Variants in VLDLR observed in about 807,000 individuals in gnomAD.
The protein encoded by VLDLR is very low density lipoprotein receptor, also known as very low-density lipoprotein receptor.
A neutral mutation model predicts 112.7 loss-of-function variants in VLDLR; 81 were observed. That is an observed-to-expected ratio of 0.72 (90% CI 0.60 to 0.86). The LOEUF (loss-of-function observed/expected upper bound fraction) is 0.86, where lower values mean the gene tolerates loss of function less well. Ranked by LOEUF, VLDLR falls within the 40% of genes least tolerant of loss-of-function variation. VLDLR has a pLI of 0.00. For synonymous variants in VLDLR, 436 were observed against 384.8 expected (o/e 1.13, Z -1.56); for missense variants, 1,237 against 1,099.4 (o/e 1.13, Z -1.77).
chr9:2,650,940 TCTTAA>T (rs1230772270), intron 15 of VLDLR, among the ~76,000 whole-genome samples: 1 of 152,228 alleles, frequency 6.6e-6, no homozygotes, highest in East Asian at 1.9e-4. Context: ...AGTCTTCTGT[TCTTAA>T]CTTTTGATTA....
chr9:2,630,303 G>C (rs1449366907), intron 1 of VLDLR, among the ~76,000 whole-genome samples: 5 of 152,176 alleles, frequency 3.3e-5, no homozygotes, highest in African/African-American at 7.2e-5. Context: ...TGTCATTAAA[G>C]TGGCAAGCAG....
rs35730767 is a variant in VLDLR at position 2,650,264 on chromosome 9, T to G, written c.2105-106T>G. On this transcript the variant is annotated intron_variant, in intron 14 of 18. Coordinates refer to ENST00000382100, the MANE Select transcript of VLDLR (RefSeq NM_003383.5). The stretch of plus-strand genomic sequence containing the variant: ...TGAAGGATTAGCAGAGTAGACAAGT[T>G]TAAGCTCTTGGGGGCAAGGACTCAG... 250,633 of 1,432,708 alleles carry G rather than the reference T, an allele frequency of 0.17. 23,923 individuals are homozygous for G. The highest frequency in any genetic ancestry group is 0.19 in the Non-Finnish European group (199,713 of 1,033,476). The allele number at this position is 1,432,708 out of a possible 1,614,324, so 88.7% of individuals were successfully genotyped here.
chr9:2,653,983 G>C lies in VLDLR; in HGVS notation c.*115G>C. 1 of 1,088,828 alleles carries C rather than the reference G, an allele frequency of 9.2e-7. No homozygotes were observed. The highest frequency in any genetic ancestry group is 1.4e-6 in the Non-Finnish European group (1 of 708,766). 67.4% of individuals were successfully genotyped at this position (1,088,828 alleles called of 1,614,324 possible). ...TTCCTCTCGGCTGGAAGAACATCAA[G>C]ATACCTTTGCGTGGATCAAGCTTGT... On this transcript the variant is annotated 3_prime_UTR_variant, in exon 19 of 19. Transcript: ENST00000382100.
rs781679270 is a variant in VLDLR at position 2,648,234 on chromosome 9, C to A, written c.1849C>A (p.Leu617Ile). 1 of 1,614,182 alleles carries A rather than the reference C, an allele frequency of 6.2e-7. No homozygotes were observed. The highest frequency in any genetic ancestry group is 2.2e-5 in the East Asian group (1 of 44,882). ...LDLIKSRLYW[L>I]DSKLHMLSSV... ...CCTTATAAAAAGTCGCCTCTATTGG[C>A]TTGATTCTAAGTTGCACATGTTATC... The change falls in exon 13 of 19, where the codon CTT becomes ATT. Residue 617 changes from leucine (L) to isoleucine (I), a missense_variant. Transcript: ENST00000382100.
chr9:2,644,427 C>G (rs1050320475), intron 7 of VLDLR, among the ~76,000 whole-genome samples: 12 of 150,830 alleles, frequency 8.0e-5, no homozygotes, highest in Non-Finnish European at 1.2e-4. Flanking sequence ...CCTCGGCCTT[C>G]CAAAGTGCTG....
chr9:2,622,170 G>GCAC lies in VLDLR; in HGVS notation c.-17_-15dup, dbSNP rs976029977. ...AACGGCGGCGGCGGCGGCGGCGGCG[G>GCAC]CACCATCCAGGCGGGCACCATGGGC... On this transcript the variant is annotated 5_prime_UTR_variant, in exon 1 of 19. Transcript: ENST00000382100. The GCAC allele has an allele frequency of 4.8e-6, 7 of 1,458,624 alleles. No homozygotes were observed. The African/African-American group carries it at 5.9e-5, about 12-fold the overall frequency. The allele number at this position is 1,458,624 out of a possible 1,614,324, so 90.4% of individuals were successfully genotyped here. A position where few individuals can be genotyped will look rare whatever the true frequency, so the allele number is the denominator to read the frequency against.
chr9:2,622,866 G>T (rs1816890045), intron 1 of VLDLR, among the ~76,000 whole-genome samples: 1 of 152,166 alleles, frequency 6.6e-6, no homozygotes, highest in South Asian at 2.1e-4. Flanking sequence ...CGACTCCCCC[G>T]GCGCGGGGCC....
At chr9:2,645,901 T>G (rs967128319) in intron 10 of VLDLR, among the ~76,000 whole-genome samples, 156 bp downstream of exon 10, 1 of 152,246 alleles carries the variant, frequency 6.6e-6, no homozygotes, top group African/African-American at 2.4e-5. Context: ...TTTATTAAAC[T>G]GTTATCACTT....
At chr9:2,640,629 T>TA (rs1402223713) in intron 3 of VLDLR, among the ~76,000 whole-genome samples, 1 of 151,962 alleles carries the variant, frequency 6.6e-6, no homozygotes, top group African/African-American at 2.4e-5. Flanking sequence ...AAGAAAGTCT[T>TA]AGAGTTTGAG....
At chr9:2,640,782 G>T (rs1586647698) in intron 3 of VLDLR, among the ~76,000 whole-genome samples, 2 of 152,166 alleles carry the variant, frequency 1.3e-5, no homozygotes, top group South Asian at 4.2e-4. Context: ...GAAGTGAGGG[G>T]AGTAATATTG....
At chr9:2,633,749 C>A (rs954476740) in intron 1 of VLDLR, among the ~76,000 whole-genome samples, 5 of 152,088 alleles carry the variant, frequency 3.3e-5, no homozygotes, top group African/African-American at 1.2e-4. Flanking sequence ...AGAGTCTTAC[C>A]ACTTTCACAG....
At chr9:2,639,082 T>G (rs1214461044) in intron 2 of VLDLR, among the ~76,000 whole-genome samples, 2 of 152,224 alleles carry the variant, frequency 1.3e-5, no homozygotes, top group Non-Finnish European at 1.5e-5. Context: ...GGATGCCCCT[T>G]GAACAGTATA....
Position 2,622,167 on chromosome 9 carries a change from G to GCAC in VLDLR, c.-22_-21insACC, listed in dbSNP as rs1554617691. The stretch of plus-strand genomic sequence containing the variant: ...GCGAACGGCGGCGGCGGCGGCGGCG[G>GCAC]CGGCACCATCCAGGCGGGCACCATG... On this transcript the variant is annotated 5_prime_UTR_variant, in exon 1 of 19. Transcript: ENST00000382100. The GCAC allele has an allele frequency of 4.9e-6, 7 of 1,421,742 alleles. No homozygotes were observed. The highest frequency in any genetic ancestry group is 1.3e-5 in the South Asian group (1 of 74,718). The allele number at this position is 1,421,742 out of a possible 1,614,324, so 88.1% of individuals were successfully genotyped here. A position where few individuals can be genotyped will look rare whatever the true frequency, so the allele number is the denominator to read the frequency against.
At position 2,641,414 on chromosome 9, in the gene VLDLR, C is replaced by T. The variant is rs764679456; in HGVS notation, c.363C>T (p.Gly121=). ...RTCRIHEISC[G]AHSTQCIPVS... ...GCCGCATACATGAAATCAGCTGTGG[C>T]GCCCATTCTACTCAGTGTATCCCAG... is the stretch of plus-strand genomic sequence containing the variant. Residue 121 remains glycine (G), a synonymous_variant, in exon 4 of 19, where the codon GGC becomes GGT. Transcript: ENST00000382100. 18 of 1,614,074 alleles carry T rather than the reference C, an allele frequency of 1.1e-5. No homozygotes were observed. Among genetic ancestry groups the T allele is most frequent in the Admixed American group, 5.0e-5 (3 of 60,006 alleles).
In VLDLR at chr9:2,643,916, G is replaced by C. The variant is rs368621966; in HGVS notation, c.1023G>C (p.Glu341Asp). The C allele has an allele frequency of 3.1e-6, 5 of 1,614,006 alleles. No homozygotes were observed. In the East Asian group the frequency reaches 8.9e-5, roughly 29 times the overall value. The change falls in exon 7 of 19, where the codon GAG becomes GAC. Residue 341 changes from glutamate to aspartate, a missense_variant. Coordinates refer to ENST00000382100, the MANE Select transcript of VLDLR (RefSeq NM_003383.5). ...ATATCAGCAAAGTATGTAACCAGGA[G>C]CAGGACTGCAGGGACTGGAGTGATG... The part of the protein sequence containing the change: ...CIDISKVCNQ[E>D]QDCRDWSDEP...
At chr9:2,636,412 TAG>T (rs1242907894) in intron 2 of VLDLR, among the ~76,000 whole-genome samples, 1 of 152,226 alleles carries the variant, frequency 6.6e-6, no homozygotes, top group Middle Eastern at 3.2e-3. Context: ...AGAAGAAAAG[TAG>T]AGTCTAAATG....
intron 8 of VLDLR, 21 bp from the exon 9 acceptor site, chr9:2,644,936 T>A: frequency 1.2e-6 from 2 of 1,614,170 alleles, no homozygotes; most frequent in East Asian, 4.5e-5. Context: ...GCAGCAAGAC[T>A]AATTCTGATT....
Position 2,648,758 on chromosome 9 carries a change from C to A in VLDLR, c.2052C>A (p.Asn684Lys), listed in dbSNP as rs1818182605. 4 of 1,614,170 alleles carry A rather than the reference C, an allele frequency of 2.5e-6. No homozygotes were observed. The highest frequency in any genetic ancestry group is 3.4e-6 in the Non-Finnish European group (4 of 1,180,038). Residue 684 changes from asparagine to lysine, a missense_variant, in exon 14 of 19, where the codon AAC becomes AAA. By Grantham distance (94) the Asn-to-Lys change is moderately conservative (BLOSUM62 0). Coordinates refer to ENST00000382100, the MANE Select transcript of VLDLR (RefSeq NM_003383.5). ...CAGAGCTAGCCACTCTAGTCAACAACCTGAATGATGCCCAAGACATCATTG... is the reference window on the plus strand; with the variant it reads ...CAGAGCTAGCCACTCTAGTCAACAAACTGAATGATGCCCAAGACATCATTG... ...TGSELATLVN[N>K]LNDAQDIIVY...
At position 2,643,948 on chromosome 9, in the gene VLDLR, T is replaced by C. The variant is rs1817943160; in HGVS notation, c.1055T>C (p.Leu352Pro). The change falls in exon 7 of 19, where the codon CTG becomes CCG. Residue 352 changes from leucine to proline, a missense_variant. Physicochemically the swap from Leu to Pro is moderately conservative, Grantham distance 98 (BLOSUM62 -3). Transcript: ENST00000382100. ...TGCAGGGACTGGAGTGATGAGCCCC[T>C]GAAAGAGTGTCGTAAGTGTACTTGT... is the stretch of plus-strand genomic sequence containing the variant. ...QDCRDWSDEP[L>P]KECHINECLV... 1 of 1,613,948 alleles carries C rather than the reference T, an allele frequency of 6.2e-7. No individual in the cohort carries two copies. Among genetic ancestry groups the C allele is most frequent in the Non-Finnish European group, 8.5e-7 (1 of 1,180,018 alleles).
Sources: gnomAD v4.1 joint callset for allele counts (sites outside exome capture counted in the v4.1 genomes callset) on GRCh38, gnomAD v4.1.1 for gene constraint, MANE v1.5 for transcripts, NCBI Gene and HGNC (gene_info 2026-07-23, HGNC 2026-07-21) for gene names.